The following CNGB3 variants were observed in gnomAD, a reference collection of about 807,000 sequenced individuals.
CNGB3 encodes cyclic nucleotide-gated channel beta-3.
A neutral mutation model predicts 92.8 loss-of-function variants in CNGB3; 86 were observed. That is an observed-to-expected ratio of 0.93 (90% CI 0.78 to 1.11). CNGB3 has a LOEUF of 1.11. Among genes scored for constraint, CNGB3 ranks in the 50% least tolerant of loss-of-function variants. The pLI is 0.00. For missense variants in CNGB3, 1,026 were observed against 956.8 expected (o/e 1.07, Z -0.95); for synonymous variants, 333 against 332.7 (o/e 1.00, Z -0.01).
chr8:86,697,885 T>C (rs1824480209), intron 3 of CNGB3, among the ~76,000 whole-genome samples: 1 of 148,902 alleles, frequency 6.7e-6, no homozygotes, highest in South Asian at 2.2e-4. Context: ...AGTGAGAACA[T>C]GTGGTGTTTG....
chr8:86,665,699 T>C (rs985924805), intron 6 of CNGB3, among the ~76,000 whole-genome samples: 2 of 152,096 alleles, frequency 1.3e-5, no homozygotes, highest in Non-Finnish European at 2.9e-5. Context: ...TGGATACTTA[T>C]GGACATAAAG....
At chr8:86,729,971 T>C (rs1335586412) in intron 2 of CNGB3, among the ~76,000 whole-genome samples, 2 of 152,236 alleles carry the variant, frequency 1.3e-5, no homozygotes, top group African/African-American at 2.4e-5. Context: ...TCAGTACACT[T>C]GGTCAAATTC....
At chr8:86,677,205 AAAAT>A (rs1823993443) in intron 3 of CNGB3, among the ~76,000 whole-genome samples, 2 of 152,230 alleles carry the variant, frequency 1.3e-5, no homozygotes, top group Non-Finnish European at 2.9e-5. Context: ...GAACTGCGAG[AAAAT>A]AAATATCTGT....
At chr8:86,610,635 T>C (rs1405678107) in intron 14 of CNGB3, among the ~76,000 whole-genome samples, 1 of 152,232 alleles carries the variant, frequency 6.6e-6, no homozygotes, top group African/African-American at 2.4e-5. Context: ...GCCTCTCATC[T>C]TTGTTCGCTT....
chr8:86,624,510 T>G (rs1822805550), intron 13 of CNGB3, among the ~76,000 whole-genome samples: 1 of 152,062 alleles, frequency 6.6e-6, no homozygotes, highest in African/African-American at 2.4e-5. Flanking sequence ...TTTTTTTCAC[T>G]CTTCTCTGAC....
chr8:86,658,028 TCTC>T (rs1214833579), intron 6 of CNGB3: 9 of 544,710 alleles, frequency 1.7e-5, no homozygotes, highest in Non-Finnish European at 2.8e-5. Flanking sequence ...AGGTCCACCT[TCTC>T]CTGCATGAGC....
At chr8:86,658,938 C>T (rs3779797) in intron 6 of CNGB3, 184,846 of 1,018,426 alleles carry the variant, frequency 0.18, 22,099 homozygotes, top group East Asian at 0.4. Flanking sequence ...CTCCTGCTCT[C>T]GGTTCAGGAG....
intron 15 of CNGB3, among the ~76,000 whole-genome samples, chr8:86,592,997 C>T (rs901608921): frequency 7.9e-5 from 12 of 152,140 alleles, no homozygotes; most frequent in Non-Finnish European, 1.5e-4. Flanking sequence ...GCCACCTCTG[C>T]CTGGGATTTT....
At chr8:86,668,519 A>G (rs2131616530) in intron 4 of CNGB3, among the ~76,000 whole-genome samples, 1 of 152,314 alleles carries the variant, frequency 6.6e-6, no homozygotes, top group Admixed American at 6.5e-5. Flanking sequence ...TTAAAGTCGG[A>G]ACGTTTATGA....
intron 15 of CNGB3, among the ~76,000 whole-genome samples, chr8:86,584,727 T>C (rs1821860078): frequency 6.6e-6 from 1 of 152,190 alleles, no homozygotes; most frequent in South Asian, 2.1e-4. Flanking sequence ...ATTGTTTCCC[T>C]AGGTAAAAAT....
chr8:86,657,286 A>C, intron 6 of CNGB3: 1 of 308,636 alleles, frequency 3.2e-6, no homozygotes. Flanking sequence ...TGCTCCTCTA[A>C]GGATAATGGG....
chr8:86,668,243 A>G (rs1394106714), intron 4 of CNGB3, 75 bp from the exon 5 acceptor site: 8 of 1,465,926 alleles, frequency 5.5e-6, no homozygotes, highest in Non-Finnish European at 7.5e-6. Context: ...GAATTTCTTA[A>G]CCAAACACCG....
intron 14 of CNGB3, among the ~76,000 whole-genome samples, chr8:86,606,999 G>A (rs1478658698): frequency 6.6e-6 from 1 of 152,186 alleles, no homozygotes; most frequent in Non-Finnish European, 1.5e-5. Context: ...ACTTTAGGAA[G>A]TAATGATGAG....
At chr8:86,714,532 AG>A (rs1469240188) in intron 3 of CNGB3, among the ~76,000 whole-genome samples, 7 of 152,216 alleles carry the variant, frequency 4.6e-5, no homozygotes, top group Non-Finnish European at 8.8e-5. Flanking sequence ...GATAGGAGGC[AG>A]GAAAAGTTTG....
intron 13 of CNGB3, among the ~76,000 whole-genome samples, chr8:86,614,029 T>C (rs1045466550): frequency 1.3e-5 from 2 of 150,722 alleles, no homozygotes; most frequent in East Asian, 1.9e-4. Context: ...TATGTATATA[T>C]ACACACACAC....
chr8:86,630,838 C>T (rs1822948523), intron 11 of CNGB3, among the ~76,000 whole-genome samples: 2 of 152,294 alleles, frequency 1.3e-5, no homozygotes, highest in East Asian at 1.9e-4. Flanking sequence ...TAAGCCACTA[C>T]ACCCTAGCCT....
At chr8:86,735,873 A>G (rs1825242993) in intron 2 of CNGB3, among the ~76,000 whole-genome samples, 1 of 152,132 alleles carries the variant, frequency 6.6e-6, no homozygotes, top group South Asian at 2.1e-4. Context: ...CATACTAGCA[A>G]TGGGAATTCA....
At chr8:86,585,259 A>G (rs1191920406) in intron 15 of CNGB3, among the ~76,000 whole-genome samples, 3 of 152,196 alleles carry the variant, frequency 2.0e-5, no homozygotes, top group Non-Finnish European at 4.4e-5. Flanking sequence ...TTTCACATAC[A>G]TACATAAATA....
chr8:86,672,583 T>G (rs1351407902), intron 3 of CNGB3, among the ~76,000 whole-genome samples: 2 of 152,146 alleles, frequency 1.3e-5, no homozygotes, highest in African/African-American at 2.4e-5. Flanking sequence ...CATACTCTTC[T>G]CATATCTGCC....
Sources: allele counts gnomAD v4.1 joint callset (sites outside exome capture counted in the v4.1 genomes callset), GRCh38; gene constraint gnomAD v4.1.1; transcripts MANE v1.5; gene names NCBI Gene and HGNC (gene_info 2026-07-23, HGNC 2026-07-21).